LRFN2: variants seen among roughly 807,000 people sequenced by gnomAD.
LRFN2 encodes leucine-rich repeat and fibronectin type-III domain-containing protein 2.
In LRFN2, 18 loss-of-function variants were observed where a neutral mutation model predicts 37.3. The observed-to-expected ratio is 0.48, with a 90% confidence interval of 0.33 to 0.72. The LOEUF is 0.72. Ranked by LOEUF, LRFN2 falls within the 30% of genes least tolerant of loss-of-function variation. The pLI is 0.02. For missense variants in LRFN2, 1,006 were observed against 1,060.7 expected (o/e 0.95, Z 0.72); for synonymous variants, 556 against 466.6 (o/e 1.19, Z -2.47).
chr6:40,419,495 G>A (rs1173607523), intron 2 of LRFN2, among the ~76,000 whole-genome samples: 1 of 152,154 alleles, frequency 6.6e-6, no homozygotes, highest in Non-Finnish European at 1.5e-5. Flanking sequence ...GCCCAGCCCA[G>A]CCCAGGCCAG....
chr6:40,486,386 T>C (rs1256413381), intron 1 of LRFN2, among the ~76,000 whole-genome samples: 1 of 152,190 alleles, frequency 6.6e-6, no homozygotes, highest in African/African-American at 2.4e-5. Flanking sequence ...AAGAGCTGGA[T>C]GCATCTGTAA....
At chr6:40,454,153 T>G (rs1764184634) in intron 1 of LRFN2, among the ~76,000 whole-genome samples, 1 of 152,302 alleles carries the variant, frequency 6.6e-6, no homozygotes, top group Non-Finnish European at 1.5e-5. Flanking sequence ...GGAAAACACT[T>G]TAATTTCATT....
chr6:40,502,257 T>C (rs541762273), intron 1 of LRFN2: 9 of 152,146 alleles, frequency 5.9e-5, no homozygotes, highest in South Asian at 2.1e-4. Context: ...AGAGATGCCA[T>C]AGAGCCTTCA....
intron 1 of LRFN2, among the ~76,000 whole-genome samples, chr6:40,526,356 G>A (rs903807860): frequency 3.3e-5 from 5 of 152,196 alleles, no homozygotes; most frequent in African/African-American, 1.2e-4. Context: ...TCCTTGAAGA[G>A]GCCACAGAAC....
At chr6:40,559,247 G>A (rs899085462) in intron 1 of LRFN2, among the ~76,000 whole-genome samples, 9 of 152,148 alleles carry the variant, frequency 5.9e-5, no homozygotes, top group Middle Eastern at 3.2e-3. Flanking sequence ...GGAAGAGCCC[G>A]GCAGTGAGCC....
chr6:40,545,919 G>A lies in LRFN2; in HGVS notation c.-19+41022C>T, dbSNP rs560028904. Among the ~76,000 whole-genome samples, 6 of 152,232 alleles carry A rather than the reference G, an allele frequency of 3.9e-5. No individual in the cohort carries two copies. In the South Asian group the frequency reaches 1.0e-3, roughly 26 times the overall value. ...TTAAAAATTGTTTCTTTTTCTTTTG[G>A]TGTTGTATCTTCAGCTCCTAGAATC... is the stretch of plus-strand genomic sequence containing the variant. On this transcript the variant is annotated intron_variant, in intron 1 of 2. Coordinates refer to ENST00000338305, the MANE Select transcript of LRFN2 (RefSeq NM_020737.3).
intron 2 of LRFN2, among the ~76,000 whole-genome samples, chr6:40,412,626 C>G (rs887105064): frequency 2.0e-5 from 3 of 152,142 alleles, no homozygotes; most frequent in African/African-American, 7.2e-5. Flanking sequence ...GTGAGGCATT[C>G]GAATTAAGCC....
chr6:40,582,406 C>T (rs1042556935), intron 1 of LRFN2, among the ~76,000 whole-genome samples: 6 of 151,742 alleles, frequency 4.0e-5, no homozygotes, highest in African/African-American at 7.3e-5. Flanking sequence ...TGGAAGGTTG[C>T]CAGGGAGGCC....
chr6:40,469,820 G>T (rs566429111), intron 1 of LRFN2, among the ~76,000 whole-genome samples: 1 of 152,136 alleles, frequency 6.6e-6, no homozygotes, highest in Admixed American at 6.5e-5. Context: ...CTTAAAAATG[G>T]TGCTGCTCCT....
At chr6:40,508,164 T>G (rs1765597524) in intron 1 of LRFN2, among the ~76,000 whole-genome samples, 1 of 152,186 alleles carries the variant, frequency 6.6e-6, no homozygotes, top group African/African-American at 2.4e-5. Flanking sequence ...TGAATCTGAT[T>G]ATTTTTGCAA....
intron 1 of LRFN2, among the ~76,000 whole-genome samples, chr6:40,502,603 T>A (rs778131736): frequency 4.7e-4 from 71 of 152,228 alleles, no homozygotes; most frequent in Non-Finnish European, 4.4e-4. Context: ...AAATGGGACA[T>A]TCACTCAACA....
At chr6:40,493,967 C>T (rs181686830) in intron 1 of LRFN2, among the ~76,000 whole-genome samples, 38 of 152,332 alleles carry the variant, frequency 2.5e-4, no homozygotes, top group African/African-American at 8.4e-4. Context: ...TCTGACAAGA[C>T]AGTGCTGTCC....
intron 2 of LRFN2, among the ~76,000 whole-genome samples, chr6:40,424,533 G>A (rs1223457816): frequency 5.3e-5 from 8 of 151,974 alleles, no homozygotes; most frequent in African/African-American, 1.7e-4. Context: ...TGGGTTTAAC[G>A]TTATTGTCTT....
At chr6:40,462,210 G>A (rs530117001) in intron 1 of LRFN2, among the ~76,000 whole-genome samples, 29 of 152,286 alleles carry the variant, frequency 1.9e-4, no homozygotes, top group African/African-American at 6.3e-4. Flanking sequence ...GTTGCCTTGC[G>A]CTCCCGTTCT....
chr6:40,453,784 A>C (rs1190203200), intron 1 of LRFN2, among the ~76,000 whole-genome samples: 3 of 152,206 alleles, frequency 2.0e-5, no homozygotes, highest in African/African-American at 7.2e-5. Flanking sequence ...AGGATCAGTA[A>C]GTCACTGATA....
intron 1 of LRFN2, among the ~76,000 whole-genome samples, chr6:40,472,762 C>G (rs750653221): frequency 2.6e-5 from 4 of 152,204 alleles, no homozygotes; most frequent in Non-Finnish European, 4.4e-5. Flanking sequence ...CTCCTGCCTG[C>G]ACCTGCTGCC....
intron 1 of LRFN2, among the ~76,000 whole-genome samples, chr6:40,557,948 A>G (rs1207274071): frequency 1.3e-5 from 2 of 152,188 alleles, no homozygotes; most frequent in African/African-American, 4.8e-5. Flanking sequence ...CAAAATCCCC[A>G]ATGGTTTTGC....
chr6:40,395,533 C>G (rs1254478091), intron 2 of LRFN2, among the ~76,000 whole-genome samples: 2 of 152,188 alleles, frequency 1.3e-5, no homozygotes, highest in Non-Finnish European at 2.9e-5. Context: ...GCAGGGGACA[C>G]TTGAGTCCTC....
At chr6:40,485,869 G>A (rs1282991117) in intron 1 of LRFN2, among the ~76,000 whole-genome samples, 1 of 152,198 alleles carries the variant, frequency 6.6e-6, no homozygotes, top group African/African-American at 2.4e-5. Context: ...GGTGGACTTT[G>A]AAAACCTGGG....
Sources: allele counts gnomAD v4.1 joint callset (sites outside exome capture counted in the v4.1 genomes callset), GRCh38; gene constraint gnomAD v4.1.1; transcripts MANE v1.5; gene names NCBI Gene and HGNC (gene_info 2026-07-23, HGNC 2026-07-21).